RABGAP1L: variants seen among roughly 807,000 people sequenced by gnomAD.
RABGAP1L encodes the protein RAB GTPase activating protein 1 like.
A neutral mutation model predicts 137.7 loss-of-function variants in RABGAP1L; 63 were observed. The observed-to-expected ratio is 0.46, with a 90% CI of 0.37 to 0.56. RABGAP1L has a LOEUF of 0.56. Ranked by LOEUF, RABGAP1L falls within the 20% of genes least tolerant of loss-of-function variation. RABGAP1L has a pLI of 0.00. For missense variants in RABGAP1L, 1,095 were observed against 1,244.0 expected, an observed-to-expected ratio of 0.88 and a Z score of 1.80; for synonymous variants, 431 against 433.7, an observed-to-expected ratio of 0.99 and a Z score of 0.08.
intron 13 of RABGAP1L, among the ~76,000 whole-genome samples, chr1:174,610,099 C>CA (rs1392757514): frequency 6.7e-6 from 1 of 150,156 alleles, no homozygotes; most frequent in Non-Finnish European, 1.5e-5. Context: ...TACATGTGGA[C>CA]AATGTGCAGG....
chr1:174,822,904 C>A (rs1312564687), intron 19 of RABGAP1L, among the ~76,000 whole-genome samples: 1 of 152,184 alleles, frequency 6.6e-6, no homozygotes. Context: ...TCTGGCAGTT[C>A]ATTAAAAAGA....
chr1:174,305,814 G>A (rs901367589), intron 11 of RABGAP1L, among the ~76,000 whole-genome samples: 4 of 151,026 alleles, frequency 2.6e-5, no homozygotes, highest in Admixed American at 1.3e-4. Context: ...TGTGCACAAC[G>A]TGCAGGTTTG....
Position 174,989,894 on chromosome 1 carries a change from G to T in RABGAP1L, c.3049G>T (p.Ala1017Ser). Reference protein sequence around the residue: ...RGALMNEIQAAKNSWFSKTLN... With the variant: ...RGALMNEIQASKNSWFSKTLN... Reference sequence around the variant, plus strand: ...AGCCCTTATGAATGAAATCCAAGCTGCGAAAAACTCTTGGTTTAGCAAAAC... The same window carrying T: ...AGCCCTTATGAATGAAATCCAAGCTTCGAAAAACTCTTGGTTTAGCAAAAC... The change falls in exon 26 of 26, where the codon GCG becomes TCG. Residue 1017 changes from alanine (A) to serine (S), a missense_variant. Physicochemically the swap from Ala to Ser is moderately conservative, Grantham distance 99 (BLOSUM62 1). Coordinates refer to ENST00000681986, the MANE Select transcript of RABGAP1L (RefSeq NM_001366446.1). The T allele has an allele frequency of 6.4e-7, 1 of 1,550,552 alleles. No individual in the cohort carries two copies. Among genetic ancestry groups the T allele is most frequent in the Non-Finnish European group, 8.7e-7 (1 of 1,146,902 alleles).
chr1:174,462,324 A>G (rs1001160177), intron 13 of RABGAP1L, among the ~76,000 whole-genome samples: 3 of 152,190 alleles, frequency 2.0e-5, no homozygotes, highest in African/African-American at 7.2e-5. Flanking sequence ...TTTGTTTTCA[A>G]TAAATCTATA....
At chr1:174,617,860 A>G (rs6696197) in intron 13 of RABGAP1L, among the ~76,000 whole-genome samples, 88,262 of 152,074 alleles carry the variant, frequency 0.58, 27,962 homozygotes, top group African/African-American at 0.85. Flanking sequence ...GGAGAGTGTC[A>G]GAAAATGGGT....
At chr1:174,413,562 C>G (rs1303885848) in intron 13 of RABGAP1L, among the ~76,000 whole-genome samples, 2 of 152,180 alleles carry the variant, frequency 1.3e-5, no homozygotes, top group Non-Finnish European at 2.9e-5. Context: ...TCCTTCTCAT[C>G]TGAAGACACT....
At chr1:174,513,829 C>G (rs886801139) in intron 13 of RABGAP1L, among the ~76,000 whole-genome samples, 3 of 151,960 alleles carry the variant, frequency 2.0e-5, no homozygotes, top group African/African-American at 7.3e-5. Context: ...AGATAAATTT[C>G]TTTAAAATGT....
intron 13 of RABGAP1L, among the ~76,000 whole-genome samples, chr1:174,550,827 G>A (rs1194636319): frequency 7.6e-6 from 1 of 130,772 alleles, no homozygotes; most frequent in South Asian, 2.4e-4. Flanking sequence ...AAATCATCCT[G>A]GCTAACACGG....
intron 11 of RABGAP1L, among the ~76,000 whole-genome samples, chr1:174,333,482 G>A (rs1032179742): frequency 2.6e-5 from 4 of 152,094 alleles, no homozygotes; most frequent in African/African-American, 9.7e-5. Context: ...ATAAAAATGC[G>A]TTTAATGCAG....
At position 174,745,442 on chromosome 1, in the gene RABGAP1L, A is replaced by G. The variant is rs569637939; in HGVS notation, c.2170-6871A>G. On this transcript the variant is annotated intron_variant, in intron 17 of 25. Transcript: ENST00000681986. Reference sequence around the variant, plus strand: ...CTTAACTCTCAATGGAGAAGCATCAAATAATTGTGACTCTTTAATCCATCA... The same window carrying G: ...CTTAACTCTCAATGGAGAAGCATCAGATAATTGTGACTCTTTAATCCATCA... Among the ~76,000 whole-genome samples, 5 of 152,340 alleles carry G rather than the reference A, an allele frequency of 3.3e-5. No individual in the cohort carries two copies. In the East Asian group the frequency reaches 5.8e-4, roughly 18 times the overall value.
chr1:174,537,586 C>T (rs1031833815), intron 13 of RABGAP1L, among the ~76,000 whole-genome samples: 4 of 152,170 alleles, frequency 2.6e-5, no homozygotes, highest in Admixed American at 2.0e-4. Flanking sequence ...CCAATTCTTG[C>T]TCCTCCTGTT....
At chr1:174,210,863 A>G (rs928497576) in intron 1 of RABGAP1L, among the ~76,000 whole-genome samples, 4 of 152,210 alleles carry the variant, frequency 2.6e-5, no homozygotes, top group Non-Finnish European at 4.4e-5. Context: ...GAGAAGAAAC[A>G]AATAACATAT....
At chr1:174,570,457 G>A (rs1265332407) in intron 13 of RABGAP1L, among the ~76,000 whole-genome samples, 1 of 152,140 alleles carries the variant, frequency 6.6e-6, no homozygotes, top group African/African-American at 2.4e-5. Flanking sequence ...ATAAGTCGGA[G>A]CTAAACATTT....
At chr1:174,319,617 T>C (rs780068446) in intron 11 of RABGAP1L, among the ~76,000 whole-genome samples, 32 of 152,180 alleles carry the variant, frequency 2.1e-4, no homozygotes, top group Non-Finnish European at 3.8e-4. Context: ...ATTCTTGTTC[T>C]CTTCCTGATC....
chr1:174,530,985 T>C (rs1389854912), intron 13 of RABGAP1L, among the ~76,000 whole-genome samples: 2 of 151,970 alleles, frequency 1.3e-5, no homozygotes, highest in African/African-American at 2.4e-5. Context: ...AGATAGGAAA[T>C]AGGATAGACA....
rs1351611593 is a variant in RABGAP1L at position 174,781,139 on chromosome 1, C to T, written c.2211+28785C>T. 1.9e-4 allele frequency among the ~76,000 whole-genome samples: 29 copies of T among 152,248 alleles called. 2 individuals are homozygous for T. Among genetic ancestry groups the T allele is most frequent in the African/African-American group, 4.8e-4 (20 of 41,546 alleles). The stretch of plus-strand genomic sequence containing the variant: ...TTCTAGTTCTAGATCCCTGAGGAAT[C>T]GCCACACTGACTTCCACAATGGTTG... On this transcript the variant is annotated intron_variant, in intron 18 of 25. Transcript: ENST00000681986.
intron 8 of RABGAP1L, among the ~76,000 whole-genome samples, chr1:174,273,727 G>A (rs1674744498): frequency 6.6e-6 from 1 of 152,044 alleles, no homozygotes; most frequent in Non-Finnish European, 1.5e-5. Context: ...AAAAGACTAA[G>A]ATGAATTACT....
chr1:174,797,008 A>C (rs905688668), intron 18 of RABGAP1L, among the ~76,000 whole-genome samples: 2 of 214 alleles, frequency 9.3e-3, no homozygotes, highest in African/African-American at 0.045. Context: ...CTCTGTCTCA[A>C]AAAAAAAAAA....
At chr1:174,596,734 T>G (rs1383891518) in intron 13 of RABGAP1L, among the ~76,000 whole-genome samples, 1 of 152,176 alleles carries the variant, frequency 6.6e-6, no homozygotes, top group Non-Finnish European at 1.5e-5. Context: ...TTCCTTTAGC[T>G]AGGATTTCCA....
Sources: allele counts gnomAD v4.1 joint callset (sites outside exome capture counted in the v4.1 genomes callset), GRCh38; gene constraint gnomAD v4.1.1; transcripts MANE v1.5; gene names NCBI Gene and HGNC (gene_info 2026-07-23, HGNC 2026-07-21).